VPS26A: variants seen among roughly 807,000 people sequenced by gnomAD.
VPS26A encodes VPS26 retromer complex component A, also known as vacuolar protein sorting-associated protein 26A.
A neutral mutation model predicts 42.4 loss-of-function variants in VPS26A; 22 were observed. That is an observed-to-expected ratio of 0.52 (90% CI 0.37 to 0.74). The LOEUF (loss-of-function observed/expected upper bound fraction) is 0.74, where lower values mean the gene tolerates loss of function less well. Ranked by LOEUF, VPS26A falls within the 30% of genes least tolerant of loss-of-function variation. The pLI, the probability that VPS26A is intolerant of heterozygous loss-of-function variation, is 0.00. For missense variants in VPS26A, 276 were observed against 379.2 expected (o/e 0.73, Z 2.26); for synonymous variants, 110 against 123.5 (o/e 0.89, Z 0.73).
intron 2 of VPS26A, among the ~76,000 whole-genome samples, chr10:69,140,655 G>T (rs534432999): frequency 1.3e-5 from 2 of 152,158 alleles, no homozygotes; most frequent in African/African-American, 4.8e-5. Context: ...AAAGTGCTGG[G>T]ATTACAGGTG....
intron 2 of VPS26A, among the ~76,000 whole-genome samples, chr10:69,146,863 C>T (rs1373327938): frequency 6.6e-6 from 1 of 152,242 alleles, no homozygotes; most frequent in Admixed American, 6.5e-5. Context: ...ACTATTTGAC[C>T]ATTATGAATA....
intron 2 of VPS26A, among the ~76,000 whole-genome samples, chr10:69,137,793 C>T (rs918259174): frequency 6.6e-6 from 1 of 151,606 alleles, no homozygotes; most frequent in African/African-American, 2.4e-5. Context: ...TTCTGCCTAC[C>T]ACATTTGTAT....
intron 2 of VPS26A, among the ~76,000 whole-genome samples, chr10:69,145,121 C>T (rs185965186): frequency 7.2e-5 from 11 of 152,092 alleles, no homozygotes; most frequent in African/African-American, 1.9e-4. Context: ...CTGAAACCTC[C>T]GCGTCCCGGG....
intron 2 of VPS26A, among the ~76,000 whole-genome samples, chr10:69,139,811 C>T (rs1054010130): frequency 6.6e-6 from 1 of 151,894 alleles, no homozygotes; most frequent in African/African-American, 2.4e-5. Flanking sequence ...TTCTGCTTAT[C>T]CTTTATTTCT....
chr10:69,173,969 G>A lies in VPS26A; in HGVS notation c.*2700G>A, dbSNP rs909236663. Among the ~76,000 whole-genome samples the A allele has an allele frequency of 1.3e-5, 2 of 152,308 alleles. No homozygotes were observed. The highest frequency in any genetic ancestry group is 3.4e-3 in the Middle Eastern group (1 of 294). ...AGATCACACCAATGCACTCCAGCCT[G>A]GCTAGAAGTTTGTAAAATGGACCAA... On this transcript the variant is annotated 3_prime_UTR_variant, in exon 9 of 9. Coordinates refer to ENST00000263559, the MANE Select transcript of VPS26A (RefSeq NM_004896.5).
intron 2 of VPS26A, among the ~76,000 whole-genome samples, chr10:69,149,320 G>C (rs1347974903): frequency 6.6e-6 from 1 of 152,104 alleles, no homozygotes; most frequent in East Asian, 1.9e-4. Flanking sequence ...TGTGTAAGCT[G>C]AGTCTAACTG....
intron 2 of VPS26A, among the ~76,000 whole-genome samples, chr10:69,133,313 A>T (rs1243020816): frequency 6.6e-6 from 1 of 152,152 alleles, no homozygotes; most frequent in African/African-American, 2.4e-5. Context: ...CATGAAAAAA[A>T]AAATATTTTT....
At chr10:69,165,914 C>T in intron 6 of VPS26A, 128 bp from the exon 7 acceptor site, 2 of 880,910 alleles carry the variant, frequency 2.3e-6, no homozygotes, top group Non-Finnish European at 3.5e-6. Flanking sequence ...CCACTGCACT[C>T]TAGCTTGGGT....
At chr10:69,138,051 C>T (rs147297549) in intron 2 of VPS26A, among the ~76,000 whole-genome samples, 9 of 152,220 alleles carry the variant, frequency 5.9e-5, no homozygotes, top group African/African-American at 1.4e-4. Context: ...TCTCTGACAA[C>T]CCCTGATCTC....
intron 1 of VPS26A, among the ~76,000 whole-genome samples, 180 bp downstream of exon 1, chr10:69,124,460 G>C (rs1050385702): frequency 2.0e-5 from 3 of 152,200 alleles, no homozygotes; most frequent in Non-Finnish European, 4.4e-5. Flanking sequence ...ACCTCTTCCC[G>C]GTCTCGGCGA....
chr10:69,136,054 A>G (rs1296637788), intron 2 of VPS26A, among the ~76,000 whole-genome samples: 2 of 152,032 alleles, frequency 1.3e-5, no homozygotes, highest in Admixed American at 6.6e-5. Context: ...TTAACTTGCA[A>G]TATCTGTTGA....
At chr10:69,127,727 CTTTTTTTTTTTT>C (rs572346560) in intron 1 of VPS26A, among the ~76,000 whole-genome samples, 23 of 85,068 alleles carry the variant, frequency 2.7e-4, no homozygotes, top group African/African-American at 9.6e-4. Context: ...TTAAAAATAT[CTTTTTTTTTTTT>C]TTTTTTTTTT....
In VPS26A at chr10:69,172,455, T is replaced by C. The variant is rs1317012967; in HGVS notation, c.*1186T>C. Reference sequence around the variant, plus strand: ...GCTGTATGGAAACTACTTTCACTTATGGTTCATTGGTTTTTGTACCAATAT... The same window carrying C: ...GCTGTATGGAAACTACTTTCACTTACGGTTCATTGGTTTTTGTACCAATAT... On this transcript the variant is annotated 3_prime_UTR_variant, in exon 9 of 9. Coordinates refer to ENST00000263559, the MANE Select transcript of VPS26A (RefSeq NM_004896.5). 4 of 152,738 alleles carry C rather than the reference T, an allele frequency of 2.6e-5. No individual in the cohort carries two copies. Among genetic ancestry groups the C allele is most frequent in the East Asian group, 3.9e-4 (2 of 5,194 alleles). The allele number at this position is 152,738 out of a possible 1,614,324, so 9.5% of individuals were successfully genotyped here. A position where few individuals can be genotyped will look rare whatever the true frequency, so the allele number is the denominator to read the frequency against.
chr10:69,160,536 C>T (rs1410404178), intron 5 of VPS26A, among the ~76,000 whole-genome samples: 1 of 151,682 alleles, frequency 6.6e-6, no homozygotes, highest in Non-Finnish European at 1.5e-5. Flanking sequence ...ACTGCAACCT[C>T]TACCTCCTGA....
intron 7 of VPS26A, among the ~76,000 whole-genome samples, chr10:69,166,698 C>T (rs1413654302): frequency 3.9e-5 from 6 of 152,038 alleles, no homozygotes; most frequent in Admixed American, 6.6e-5. Context: ...TGGTTGTGTC[C>T]CTTATGATGC....
intron 2 of VPS26A, among the ~76,000 whole-genome samples, chr10:69,153,629 T>C (rs189901719): frequency 2.0e-5 from 3 of 151,546 alleles, no homozygotes; most frequent in East Asian, 2.0e-4. Flanking sequence ...GCTGAAATTA[T>C]AGGCATGAGC....
At chr10:69,162,166 A>G (rs1841578287) in intron 5 of VPS26A, among the ~76,000 whole-genome samples, 1 of 151,888 alleles carries the variant, frequency 6.6e-6, no homozygotes, top group African/African-American at 2.4e-5. Flanking sequence ...TAATTTTTGT[A>G]TTTTTAGTAG....
At position 69,171,700 on chromosome 10, in the gene VPS26A, C is replaced by A; in HGVS notation, c.*431C>A. The A allele has an allele frequency of 6.5e-6, 1 of 154,184 alleles. No individual in the cohort carries two copies. The highest frequency in any genetic ancestry group is 1.4e-5 in the Non-Finnish European group (1 of 69,214). 9.6% of individuals were successfully genotyped at this position (154,184 alleles called of 1,614,324 possible). On this transcript the variant is annotated 3_prime_UTR_variant, in exon 9 of 9. Transcript: ENST00000263559. ...TGCAAAAAATTAAATATTTTGTGTTCAAATAAAATTAGAAAACCTGAGTGG... is the reference window on the plus strand; with the variant it reads ...TGCAAAAAATTAAATATTTTGTGTTAAAATAAAATTAGAAAACCTGAGTGG...
chr10:69,145,328 C>G (rs1841134122), intron 2 of VPS26A, among the ~76,000 whole-genome samples: 1 of 152,206 alleles, frequency 6.6e-6, no homozygotes, highest in African/African-American at 2.4e-5. Context: ...AGCCACCACA[C>G]CCGGCCTAAA....
Sources: allele counts gnomAD v4.1 joint callset (sites outside exome capture counted in the v4.1 genomes callset), GRCh38; gene constraint gnomAD v4.1.1; transcripts MANE v1.5; gene names NCBI Gene and HGNC (gene_info 2026-07-23, HGNC 2026-07-21).